The following ZNF423 variants were observed in gnomAD, a reference collection of about 807,000 sequenced individuals.
ZNF423 encodes the protein Ebf-associated zinc finger protein.
Under a neutral mutation model 95.8 loss-of-function variants are expected in ZNF423, and 12 were observed. The observed-to-expected ratio is 0.13, with a 90% CI of 0.08 to 0.20. The LOEUF is 0.20. ZNF423 is among the 10% of genes least tolerant of loss of function. ZNF423 has a pLI of 1.00. For synonymous variants in ZNF423, 749 were observed against 711.9 expected (o/e 1.05, Z -0.83); for missense variants, 1,316 against 1,737.1 (o/e 0.76, Z 4.31).
chr16:49,641,263 A>T (rs2151891935), intron 3 of ZNF423, among the ~76,000 whole-genome samples: 1 of 152,306 alleles, frequency 6.6e-6, no homozygotes, highest in Admixed American at 6.5e-5. Context: ...CTTGATCGTG[A>T]TGTGGGCCTG....
intron 5 of ZNF423, among the ~76,000 whole-genome samples, chr16:49,575,887 C>G (rs551205446): frequency 1.3e-4 from 20 of 152,250 alleles, no homozygotes; most frequent in African/African-American, 3.6e-4. Context: ...GAAGGAGGCA[C>G]GGGCTGCCCT....
At chr16:49,763,075 C>T (rs1204528813) in intron 2 of ZNF423, among the ~76,000 whole-genome samples, 1 of 151,908 alleles carries the variant, frequency 6.6e-6, no homozygotes, top group Admixed American at 6.6e-5. Context: ...GCTACGTCAC[C>T]CAGGCTAGTC....
intron 5 of ZNF423, among the ~76,000 whole-genome samples, chr16:49,555,914 C>T (rs1415359164): frequency 1.3e-5 from 2 of 152,050 alleles, no homozygotes; most frequent in Non-Finnish European, 2.9e-5. Context: ...GGATAATAGT[C>T]ATGTGTCAGT....
chr16:49,516,246 T>A (rs1968139220), intron 7 of ZNF423, among the ~76,000 whole-genome samples: 1 of 152,164 alleles, frequency 6.6e-6, no homozygotes, highest in African/African-American at 2.4e-5. Flanking sequence ...CCCACAGCCC[T>A]GAGGCTTGGT....
chr16:49,637,715 G>A lies in ZNF423; in HGVS notation c.1461C>T (p.Ala487=), dbSNP rs763866990. ...YPVMQFGNIS[A]FHCNYCPEMF... ...TCTCGGGGCAGTAGTTGCAGTGGAA[G>A]GCAGAGATGTTGCCAAACTGCATCA... Residue 487 remains alanine, a synonymous_variant, in exon 4 of 8, where the codon GCC becomes GCT. Coordinates refer to ENST00000563137, the MANE Select transcript of ZNF423 (RefSeq NM_001379286.1). This position sits in a 1 kb window ranked among gnomAD's most constrained non-coding sequence, Gnocchi z 5.6. 117 of 1,614,052 alleles carry A rather than the reference G, an allele frequency of 7.2e-5. No homozygotes were observed. The highest frequency in any genetic ancestry group is 9.6e-5 in the Non-Finnish European group (113 of 1,180,052).
intron 1 of ZNF423, among the ~76,000 whole-genome samples, chr16:49,810,275 C>T (rs746761999): frequency 2.0e-5 from 3 of 152,302 alleles, no homozygotes; most frequent in South Asian, 2.1e-4. Context: ...CCCTGCCACA[C>T]ACCCTTCTTA....
chr16:49,581,072 T>A (rs1192437080), intron 5 of ZNF423, among the ~76,000 whole-genome samples: 1 of 152,082 alleles, frequency 6.6e-6, no homozygotes, highest in Non-Finnish European at 1.5e-5. Context: ...TTAAGAACCG[T>A]GGACAAAAAC....
At chr16:49,652,413 A>T (rs945757816) in intron 3 of ZNF423, among the ~76,000 whole-genome samples, 2 of 151,770 alleles carry the variant, frequency 1.3e-5, no homozygotes, top group African/African-American at 4.8e-5. Context: ...CAAACTTGCT[A>T]AAGAGGAGCC....
chr16:49,525,775 C>T (rs936940078), intron 5 of ZNF423, among the ~76,000 whole-genome samples: 16 of 152,166 alleles, frequency 1.1e-4, no homozygotes, highest in Non-Finnish European at 1.9e-4. Context: ...AGGCCATGGT[C>T]AACAGCTTGA....
At chr16:49,570,528 AAG>A (rs892655574) in intron 5 of ZNF423, among the ~76,000 whole-genome samples, 57 of 152,288 alleles carry the variant, frequency 3.7e-4, no homozygotes, top group African/African-American at 1.2e-3. Flanking sequence ...GTAGGGAGTC[AAG>A]AGAGGTGCCT....
intron 3 of ZNF423, among the ~76,000 whole-genome samples, chr16:49,667,195 G>A (rs1181812178): frequency 6.6e-6 from 1 of 152,210 alleles, no homozygotes; most frequent in Non-Finnish European, 1.5e-5. Flanking sequence ...ATCCCAAGGG[G>A]CAGTTGTGCT....
intron 3 of ZNF423, among the ~76,000 whole-genome samples, chr16:49,704,105 C>T (rs79662065): frequency 0.069 from 10,525 of 152,138 alleles, 506 homozygotes; most frequent in South Asian, 0.3. Flanking sequence ...TGACTGAGCC[C>T]GGGTCTCAGG....
intron 1 of ZNF423, among the ~76,000 whole-genome samples, chr16:49,821,873 C>T (rs1196377769): frequency 6.6e-6 from 1 of 152,180 alleles, no homozygotes; most frequent in Admixed American, 6.5e-5. Context: ...GCCTCCAAGG[C>T]TGTGCTCAAA....
intron 3 of ZNF423, among the ~76,000 whole-genome samples, chr16:49,677,520 G>A (rs1369088763): frequency 1.3e-5 from 2 of 152,152 alleles, no homozygotes; most frequent in Non-Finnish European, 2.9e-5. Flanking sequence ...GCCAGGTGCA[G>A]TAGCACATGC....
Position 49,597,244 on chromosome 16 carries a change from A to G in ZNF423, c.3601+28926T>C, listed in dbSNP as rs781341424. On this transcript the variant is annotated intron_variant, in intron 5 of 7. Transcript: ENST00000563137. ...GCCCAGGCCTCACAATGCACCTCCC[A>G]GTGGGAACCTGGGGGAGGAGGGTCT... Among the ~76,000 whole-genome samples, 198 of 152,092 alleles carry G rather than the reference A, an allele frequency of 1.3e-3. 1 individual carries two copies. The highest frequency in any genetic ancestry group is 2.3e-3 in the Non-Finnish European group (157 of 68,000).
intron 5 of ZNF423, among the ~76,000 whole-genome samples, chr16:49,533,059 T>C (rs544566584): frequency 6.6e-6 from 1 of 152,320 alleles, no homozygotes; most frequent in East Asian, 1.9e-4. Flanking sequence ...ACAGCAAGAC[T>C]GGACTCTCCT....
At chr16:49,720,020 A>G (rs74994777) in intron 3 of ZNF423, among the ~76,000 whole-genome samples, 3,323 of 152,102 alleles carry the variant, frequency 0.022, 60 homozygotes, top group Non-Finnish European at 0.037. Context: ...CCTGAACATA[A>G]TATTGTAGGG....
At chr16:49,523,381 C>T (rs931497853) in intron 7 of ZNF423, among the ~76,000 whole-genome samples, 1 of 152,226 alleles carries the variant, frequency 6.6e-6, no homozygotes, top group African/African-American at 2.4e-5. Flanking sequence ...CACGAAACAC[C>T]TCAAATGTAA....
At chr16:49,760,160 G>A (rs1395203796) in intron 2 of ZNF423, among the ~76,000 whole-genome samples, 1 of 131,176 alleles carries the variant, frequency 7.6e-6, no homozygotes, top group African/African-American at 2.8e-5. Context: ...GTGGGTAGAT[G>A]GATTAATGAA....
Sources: allele counts gnomAD v4.1 joint callset (sites outside exome capture counted in the v4.1 genomes callset), GRCh38; gene constraint gnomAD v4.1.1; non-coding constraint Gnocchi (gnomAD v3.1); transcripts MANE v1.5; gene names NCBI Gene and HGNC (gene_info 2026-07-23, HGNC 2026-07-21).